The following FGD5 variants were observed in gnomAD, a reference collection of about 807,000 sequenced individuals.
The protein encoded by FGD5 is FYVE, RhoGEF and PH domain-containing protein 5.
FGD5 carries 28 observed loss-of-function variants against 133.4 expected under a neutral mutation model. The observed-to-expected ratio is 0.21, with a 90% CI of 0.16 to 0.29. FGD5 has a LOEUF of 0.29. Among genes scored for constraint, FGD5 ranks in the 10% least tolerant of loss-of-function variants. FGD5 has a pLI of 1.00. For missense variants in FGD5, 1,858 were observed against 1,895.2 expected (o/e 0.98, Z 0.36); for synonymous variants, 810 against 776.5 (o/e 1.04, Z -0.72).
intron 1 of FGD5, among the ~76,000 whole-genome samples, chr3:14,835,160 A>G (rs1253020546): frequency 1.3e-5 from 2 of 152,184 alleles, no homozygotes; most frequent in African/African-American, 4.8e-5. Context: ...GTGGGTGTGC[A>G]CAGAGAGGCC....
intron 1 of FGD5, among the ~76,000 whole-genome samples, chr3:14,857,890 T>C (rs993047622): frequency 2.0e-5 from 3 of 152,022 alleles, no homozygotes; most frequent in African/African-American, 7.3e-5. Context: ...CTAAATAATC[T>C]ATACCTATAT....
intron 4 of FGD5, among the ~76,000 whole-genome samples, chr3:14,890,250 G>A (rs2038001511): frequency 6.6e-6 from 1 of 152,188 alleles, no homozygotes; most frequent in African/African-American, 2.4e-5. Context: ...CCACGGCCAA[G>A]CCAGGTCTCC....
chr3:14,917,357 C>A lies in FGD5; in HGVS notation c.3489+25C>A. ...GGTAAATATCTGGTGCCAGGTACCC[C>A]CGGGTTGGGGGACAGGGAGACCCCA... On this transcript the variant is annotated intron_variant, in intron 12 of 19. Coordinates refer to ENST00000285046, the MANE Select transcript of FGD5 (RefSeq NM_152536.4). The surrounding 1 kb of genome is among the most constrained non-coding windows in gnomAD (Gnocchi z 4.1). 1 of 1,602,696 alleles carries A rather than the reference C, an allele frequency of 6.2e-7. No homozygotes were observed. The highest frequency in any genetic ancestry group is 2.3e-5 in the East Asian group (1 of 44,384).
intron 11 of FGD5, among the ~76,000 whole-genome samples, chr3:14,911,671 GA>G (rs2038451920): frequency 6.6e-6 from 1 of 151,488 alleles, no homozygotes; most frequent in Non-Finnish European, 1.5e-5. Flanking sequence ...GCTGGTGCTG[GA>G]AACAAAGAAA....
intron 4 of FGD5, among the ~76,000 whole-genome samples, chr3:14,895,493 T>G (rs1425607825): frequency 6.6e-6 from 1 of 152,214 alleles, no homozygotes; most frequent in Admixed American, 6.5e-5. Flanking sequence ...CTTGGAACCT[T>G]TGTCAAAGAT....
At chr3:14,844,204 T>TAA (rs1168327274) in intron 1 of FGD5, among the ~76,000 whole-genome samples, 459 of 17,132 alleles carry the variant, frequency 0.027, 59 homozygotes, top group African/African-American at 0.043. Context: ...TAATAGGCAT[T>TAA]AAAAAAAAAA....
chr3:14,863,216 G>T (rs1302681127), intron 1 of FGD5, among the ~76,000 whole-genome samples: 1 of 152,234 alleles, frequency 6.6e-6, no homozygotes, highest in East Asian at 1.9e-4. Context: ...TGAGTAGGAA[G>T]AAAGGTTTGT....
At chr3:14,901,381 A>T (rs1019979340) in intron 9 of FGD5, among the ~76,000 whole-genome samples, 14 of 152,222 alleles carry the variant, frequency 9.2e-5, no homozygotes, top group Non-Finnish European at 1.9e-4. Context: ...TCCCAGTCAG[A>T]GCTTCTGCAT....
intron 1 of FGD5, among the ~76,000 whole-genome samples, chr3:14,858,722 C>A (rs887673495): frequency 3.3e-5 from 5 of 152,186 alleles, no homozygotes; most frequent in Non-Finnish European, 5.9e-5. Flanking sequence ...TCGGAGGTTT[C>A]TGTTGGCAGA....
chr3:14,845,963 G>T (rs1437462457), intron 1 of FGD5, among the ~76,000 whole-genome samples: 2 of 152,148 alleles, frequency 1.3e-5, no homozygotes, highest in African/African-American at 2.4e-5. Flanking sequence ...GCTGCTCAGA[G>T]GCTGGGTTTG....
At position 14,819,397 on chromosome 3, in the gene FGD5, G is replaced by T. The variant is rs780278535; in HGVS notation, c.326G>T (p.Cys109Phe). ...EEEREEGGEA[C>F]GLEGTGAGED... ...GAGCGTGAAGAGGGAGGCGAGGCATGTGGCCTGGAGGGTACAGGAGCTGGT... is the reference window on the plus strand; with the variant it reads ...GAGCGTGAAGAGGGAGGCGAGGCATTTGGCCTGGAGGGTACAGGAGCTGGT... The change falls in exon 1 of 20, where the codon TGT (cysteine) becomes TTT (phenylalanine). Residue 109 changes from cysteine (C) to phenylalanine (F), a missense_variant. Coordinates refer to ENST00000285046, the MANE Select transcript of FGD5 (RefSeq NM_152536.4). This position sits in a 1 kb window ranked among gnomAD's most constrained non-coding sequence, Gnocchi z 4.1. 7.1e-6 allele frequency: 11 copies of T among 1,549,708 alleles called. No homozygotes were observed. Among genetic ancestry groups the T allele is most frequent in the Non-Finnish European group, 9.6e-6 (11 of 1,146,270 alleles).
intron 1 of FGD5, among the ~76,000 whole-genome samples, chr3:14,828,450 T>C (rs548794194): frequency 6.6e-6 from 1 of 152,274 alleles, no homozygotes; most frequent in South Asian, 2.1e-4. Context: ...GGTCACATCA[T>C]CTGCAGACAG....
rs1190544486 is a variant in FGD5, at chr3:14,821,560, A to G, written c.2489A>G (p.Glu830Gly). The change falls in exon 1 of 20, where the codon GAG becomes GGG. Residue 830 changes from glutamate (E) to glycine (G), a missense_variant. Coordinates refer to ENST00000285046, the MANE Select transcript of FGD5 (RefSeq NM_152536.4). ...YVDMSSFNAF[E>G]SKQQSADQDA... Reference sequence around the variant, plus strand: ...GACATGAGCAGCTTCAACGCCTTTGAGAGCAAACAGCAGAGTGCAGACCAG... The same window carrying G: ...GACATGAGCAGCTTCAACGCCTTTGGGAGCAAACAGCAGAGTGCAGACCAG... 2 of 1,611,708 alleles carry G rather than the reference A, an allele frequency of 1.2e-6. No individual in the cohort carries two copies. Among genetic ancestry groups the G allele is most frequent in the Non-Finnish European group, 1.7e-6 (2 of 1,178,492 alleles).
intron 9 of FGD5, among the ~76,000 whole-genome samples, chr3:14,906,551 C>T (rs2038345467): frequency 6.6e-6 from 1 of 152,212 alleles, no homozygotes; most frequent in African/African-American, 2.4e-5. Flanking sequence ...GCATGTGGCC[C>T]CACCTTGCCC....
In FGD5 at chr3:14,900,443, C is replaced by T. The variant is rs1377585658; in HGVS notation, c.3195C>T (p.Asp1065=). The T allele has an allele frequency of 6.2e-7, 1 of 1,613,500 alleles. No homozygotes were observed. ...TTTGTCCGGACTCCGCCGAGTACGA[C>T]AACACACAGGGTGAGTCCAGCGTGA... ...NNLCPDSAEY[D]NTQGALSLIS... is the part of the protein sequence containing the mutation. The change falls in exon 8 of 20, where the codon GAC becomes GAT. Residue 1065 remains aspartate (D), a synonymous_variant. Coordinates refer to ENST00000285046, the MANE Select transcript of FGD5 (RefSeq NM_152536.4).
At chr3:14,822,267 C>T (rs982651434) in intron 1 of FGD5, among the ~76,000 whole-genome samples, 15 of 152,098 alleles carry the variant, frequency 9.9e-5, no homozygotes, top group African/African-American at 3.6e-4. Flanking sequence ...TTGCTACTCG[C>T]CTCTGAGACA....
chr3:14,815,420 G>A (rs2036353782), upstream of FGD5, among the ~76,000 whole-genome samples: 2 of 151,512 alleles, frequency 1.3e-5, no homozygotes, highest in Non-Finnish European at 1.5e-5. Flanking sequence ...GATATGTAAT[G>A]TACTTACCCT....
In FGD5 at chr3:14,818,990, G is replaced by T; in HGVS notation, c.-82G>T. On this transcript the variant is annotated 5_prime_UTR_variant, in exon 1 of 20. Coordinates refer to ENST00000285046, the MANE Select transcript of FGD5 (RefSeq NM_152536.4). ...AACCACCTGTCGCTCCCAAGCCAAA[G>T]ACTACCAGTCCACTGACGCCAGTGA... The T allele has an allele frequency of 6.9e-7, 1 of 1,455,186 alleles. No homozygotes were observed. Among genetic ancestry groups the T allele is most frequent in the Non-Finnish European group, 9.1e-7 (1 of 1,103,196 alleles). The allele number at this position is 1,455,186 out of a possible 1,614,324, so 90.1% of individuals were successfully genotyped here. A position where few individuals can be genotyped will look rare whatever the true frequency, so the allele number is the denominator to read the frequency against.
intron 19 of FGD5, 96 bp downstream of exon 19, chr3:14,932,827 C>T: frequency 7.0e-7 from 1 of 1,424,482 alleles, no homozygotes; most frequent in Non-Finnish European, 9.6e-7. Context: ...CTCCATTCAT[C>T]CTATCCCATT....
Sources: gnomAD v4.1 joint callset for allele counts (sites outside exome capture counted in the v4.1 genomes callset) on GRCh38, gnomAD v4.1.1 for gene constraint, Gnocchi (gnomAD v3.1) non-coding constraint, MANE v1.5 for transcripts, NCBI Gene and HGNC (gene_info 2026-07-23, HGNC 2026-07-21) for gene names.